The following TMPRSS15 variants were observed in gnomAD, a reference collection of about 807,000 sequenced individuals.
The protein encoded by TMPRSS15 is enteropeptidase.
In TMPRSS15, 128 loss-of-function variants were observed where a neutral mutation model predicts 125.3. The ratio of observed to expected loss-of-function variants is 1.02; its 90% CI spans 0.89 to 1.18. The LOEUF is 1.18. Ranked by LOEUF, TMPRSS15 falls within the 50% of genes most tolerant of loss-of-function variation. The probability of loss-of-function intolerance (pLI) is 0.00; values close to 1 mark genes in which losing one functional copy is unlikely to be tolerated. For synonymous variants in TMPRSS15, 446 were observed against 423.2 expected, an observed-to-expected ratio of 1.05 and a Z score of -0.66; for missense variants, 1,283 against 1,212.7, an observed-to-expected ratio of 1.06 and a Z score of -0.86.
chr21:18,294,065 T>G (rs899393323), intron 21 of TMPRSS15, among the ~76,000 whole-genome samples: 1 of 152,248 alleles, frequency 6.6e-6, no homozygotes, highest in Non-Finnish European at 1.5e-5. Context: ...GAATTAATAT[T>G]CATATCTAAT....
At chr21:18,412,448 G>T (rs948947341) in intron 1 of TMPRSS15, among the ~76,000 whole-genome samples, 1 of 152,126 alleles carries the variant, frequency 6.6e-6, no homozygotes, top group Admixed American at 6.5e-5. Context: ...GGAGATCACC[G>T]AATTAAAGAA....
In TMPRSS15 at chr21:18,310,979, T is replaced by TG. The variant is rs113465511; in HGVS notation, c.2165+1965dup. On this transcript the variant is annotated intron_variant, in intron 18 of 24. Transcript: ENST00000284885. ...TAACAAAGGCACCAAGAACATTCACTGGGGGGGAAGAACAATCGCTTCAGT... is the reference window on the plus strand; with the variant it reads ...TAACAAAGGCACCAAGAACATTCACTGGGGGGGGAAGAACAATCGCTTCAGT... Among the ~76,000 whole-genome samples the TG allele has an allele frequency of 8.4e-3, 1,235 of 147,182 alleles. 12 individuals are homozygous for TG. The highest frequency in any genetic ancestry group is 0.028 in the African/African-American group (1,091 of 39,666).
chr21:18,284,224 C>A (rs1336423926), intron 21 of TMPRSS15, among the ~76,000 whole-genome samples: 2 of 152,138 alleles, frequency 1.3e-5, no homozygotes, highest in Admixed American at 1.3e-4. Context: ...CTTAACTTCC[C>A]CACCACAAAA....
intron 13 of TMPRSS15, among the ~76,000 whole-genome samples, chr21:18,339,762 T>G (rs926651053): frequency 6.6e-6 from 1 of 152,224 alleles, no homozygotes; most frequent in Non-Finnish European, 1.5e-5. Context: ...AATTATTTAT[T>G]ATCATAGGCA....
intron 10 of TMPRSS15, among the ~76,000 whole-genome samples, chr21:18,347,286 G>C (rs891205911): frequency 6.6e-6 from 1 of 152,000 alleles, no homozygotes; most frequent in Admixed American, 6.6e-5. Flanking sequence ...ATTCAGGCTG[G>C]AGTGCGGTAG....
rs76939121 is a variant in TMPRSS15 at position 18,385,184 on chromosome 21, C to T, written c.345-1406G>A. On this transcript the variant is annotated intron_variant, in intron 3 of 24. Coordinates refer to ENST00000284885, the MANE Select transcript of TMPRSS15 (RefSeq NM_002772.3). The stretch of plus-strand genomic sequence containing the variant: ...TAATCATTTGCTTAAATTATAGTAG[C>T]CAAATCTTGTAAATGAGAAGGTTCC... 9.5e-3 allele frequency among the ~76,000 whole-genome samples: 1,447 copies of T among 152,200 alleles called. 28 individuals carry two copies. The highest frequency in any genetic ancestry group is 0.032 in the African/African-American group (1,317 of 41,524).
intron 23 of TMPRSS15, among the ~76,000 whole-genome samples, chr21:18,276,341 C>T (rs1275249217): frequency 1.3e-5 from 2 of 152,156 alleles, no homozygotes; most frequent in African/African-American, 2.4e-5. Context: ...GATGTAAACA[C>T]TTCCACAATG....
rs73325910 is a variant in TMPRSS15 at position 18,384,405 on chromosome 21, C to A, written c.345-627G>T. On this transcript the variant is annotated intron_variant, in intron 3 of 24. Transcript: ENST00000284885. Reference sequence around the variant, plus strand: ...GAAATTCAATCTCAGGTCCATGAGTCGGGATTGTCTTGCCTGCATGATCTC... The same window carrying A: ...GAAATTCAATCTCAGGTCCATGAGTAGGGATTGTCTTGCCTGCATGATCTC... Among the ~76,000 whole-genome samples the A allele has an allele frequency of 9.4e-3, 1,437 of 152,182 alleles. 30 individuals are homozygous for A. The highest frequency in any genetic ancestry group is 0.033 in the African/African-American group (1,351 of 41,516).
intron 1 of TMPRSS15, among the ~76,000 whole-genome samples, chr21:18,458,080 C>G (rs1341290165): frequency 6.6e-6 from 1 of 152,108 alleles, no homozygotes; most frequent in Non-Finnish European, 1.5e-5. Flanking sequence ...TCTTTGTCCA[C>G]TAATCAGAAA....
chr21:18,447,439 CAAAAAAAA>C lies in TMPRSS15; in HGVS notation c.10+38352_10+38359del, dbSNP rs57558994. On this transcript the variant is annotated intron_variant, in intron 1 of 7. Transcript: ENST00000422787. ...TGGGCGACAGAGTAAGACTTCAACTCAAAAAAAAAAAAAAAAAAAGACATACAAATGAC... is the reference window on the plus strand; with the variant it reads ...TGGGCGACAGAGTAAGACTTCAACTCAAAAAAAAAAAGACATACAAATGAC... Among the ~76,000 whole-genome samples, 256 of 88,120 alleles carry C rather than the reference CAAAAAAAA, an allele frequency of 2.9e-3. 3 individuals are homozygous for C. The Middle Eastern group carries it at 0.033, about 11-fold the overall frequency. The allele number at this position is 88,120 out of a possible 152,430, so 57.8% of individuals were successfully genotyped here. A position where few individuals can be genotyped will look rare whatever the true frequency, so the allele number is the denominator to read the frequency against.
rs73895620 is a variant in TMPRSS15, at chr21:18,451,374, T to A, written c.10+34425A>T. ...TTTATTTTAGTGAATTGATCATAGA[T>A]TTGTCTGCCCTTTTTTTTTTGAGTT... On this transcript the variant is annotated intron_variant, in intron 1 of 7. Transcript: ENST00000422787. Among the ~76,000 whole-genome samples the A allele has an allele frequency of 6.8e-3, 1,030 of 152,308 alleles. 9 individuals carry two copies. Among genetic ancestry groups the A allele is most frequent in the African/African-American group, 0.023 (977 of 41,582 alleles).
At chr21:18,417,678 GAT>G (rs1284514611) in intron 1 of TMPRSS15, among the ~76,000 whole-genome samples, 1 of 152,130 alleles carries the variant, frequency 6.6e-6, no homozygotes. Flanking sequence ...AGATGTTTCT[GAT>G]CTAGAAAATA....
chr21:18,380,706 C>A (rs991278858), intron 4 of TMPRSS15: 20 of 370,356 alleles, frequency 5.4e-5, no homozygotes, highest in African/African-American at 4.2e-4. Flanking sequence ...CTATTTTATC[C>A]TCTGCCATGC....
chr21:18,478,476 C>A (rs1978920957), intron 1 of TMPRSS15, among the ~76,000 whole-genome samples: 1 of 151,848 alleles, frequency 6.6e-6, no homozygotes, highest in African/African-American at 2.4e-5. Context: ...CCTTTATTAC[C>A]ACCTCACAGT....
chr21:18,364,257 C>A (rs1238668850), intron 7 of TMPRSS15, among the ~76,000 whole-genome samples: 1 of 151,962 alleles, frequency 6.6e-6, no homozygotes, highest in African/African-American at 2.4e-5. Flanking sequence ...AAACCATAAT[C>A]CCATCTAGCT....
At chr21:18,458,945 T>C (rs989171083) in intron 1 of TMPRSS15, among the ~76,000 whole-genome samples, 3 of 152,200 alleles carry the variant, frequency 2.0e-5, no homozygotes, top group Non-Finnish European at 2.9e-5. Context: ...ATTTTGTTGT[T>C]ATTTATTATT....
intron 1 of TMPRSS15, among the ~76,000 whole-genome samples, chr21:18,481,724 C>G (rs1978985739): frequency 6.6e-6 from 1 of 151,578 alleles, no homozygotes; most frequent in Non-Finnish European, 1.5e-5. Context: ...AATTTTACTC[C>G]TTTCTCCTAT....
rs949334447 is a variant in TMPRSS15, at chr21:18,482,423, TAGAAG to T, written c.10+3371_10+3375del. On this transcript the variant is annotated intron_variant, in intron 1 of 7. Transcript: ENST00000422787. ...AATATATTATATATTTTAAAGTTGC[TAGAAG>T]AGAAGACTTGAATTTTTCACAAATA... Among the ~76,000 whole-genome samples, 19 of 151,658 alleles carry T rather than the reference TAGAAG, an allele frequency of 1.3e-4. 1 individual carries two copies. The highest frequency in any genetic ancestry group is 2.6e-4 in the Admixed American group (4 of 15,164).
intron 6 of TMPRSS15, among the ~76,000 whole-genome samples, chr21:18,369,566 A>T (rs902929061): frequency 6.6e-6 from 1 of 152,196 alleles, no homozygotes; most frequent in Admixed American, 6.5e-5. Flanking sequence ...AGGAAGTTGC[A>T]TGAGGAAGAC....
Sources: gnomAD v4.1 joint callset for allele counts (sites outside exome capture counted in the v4.1 genomes callset) on GRCh38, gnomAD v4.1.1 for gene constraint, MANE v1.5 for transcripts, NCBI Gene and HGNC (gene_info 2026-07-23, HGNC 2026-07-21) for gene names.